The following ITGA10 variants were observed in gnomAD, a reference collection of about 807,000 sequenced individuals.
The protein encoded by ITGA10 is integrin alpha-10.
A neutral mutation model predicts 145.2 loss-of-function variants in ITGA10; 105 were observed. That is an observed-to-expected ratio of 0.72 (90% confidence interval 0.62 to 0.85). ITGA10 has a LOEUF of 0.85. ITGA10 is among the 40% of genes least tolerant of loss of function. ITGA10 has a pLI of 0.00. For synonymous variants in ITGA10, 506 were observed against 557.8 expected (o/e 0.91, Z 1.31); for missense variants, 1,317 against 1,444.5 (o/e 0.91, Z 1.43).
intron 2 of ITGA10, 39 bp downstream of exon 2, chr1:145,907,315 T>G: frequency 1.2e-6 from 2 of 1,614,138 alleles, no homozygotes; most frequent in Non-Finnish European, 1.7e-6. Flanking sequence ...TTAGCACTAC[T>G]GCAGTCCCAA....
At chr1:145,899,685 A>T (rs1451019858) in intron 15 of ITGA10, among the ~76,000 whole-genome samples, 1 of 151,638 alleles carries the variant, frequency 6.6e-6, no homozygotes, top group Non-Finnish European at 1.5e-5. Context: ...ATTTTTTTGT[A>T]TTTTTAGTAG....
rs370729236 is a variant in ITGA10 at position 145,895,934 on chromosome 1, C to T, written c.3033+49G>A. The T allele has an allele frequency of 4.3e-5, 61 of 1,414,630 alleles. No individual in the cohort carries two copies. In the African/African-American group the frequency reaches 6.0e-4, roughly 14 times the overall value. 87.6% of individuals were successfully genotyped at this position (1,414,630 alleles called of 1,614,324 possible). A position where few individuals can be genotyped will look rare whatever the true frequency, so the allele number is the denominator to read the frequency against. On this transcript the variant is annotated intron_variant, in intron 25 of 29. Coordinates refer to ENST00000369304, the MANE Select transcript of ITGA10 (RefSeq NM_003637.5). ...GGTGTGGTGTCCAGCTTCAGTGAGT[C>T]CACCAGCTCAAGGTGGCAGGATTCC...
chr1:145,897,178 G>A (rs1655532567), intron 21 of ITGA10, 69 bp downstream of exon 21: 5 of 1,574,740 alleles, frequency 3.2e-6, no homozygotes, highest in Non-Finnish European at 3.5e-6. Context: ...CTTCCCTGAA[G>A]TCCCAGGACC....
intron 29 of ITGA10, 115 bp from the exon 30 acceptor site, chr1:145,892,978 A>G: frequency 1.0e-6 from 1 of 986,132 alleles, no homozygotes; most frequent in Non-Finnish European, 1.6e-6. Context: ...ATGGAATTCA[A>G]ATTTATTTTA....
chr1:145,899,016 A>G lies in ITGA10; in HGVS notation c.2152T>C (p.Ser718Pro), dbSNP rs1553746605. The G allele has an allele frequency of 3.7e-6, 6 of 1,614,090 alleles. No individual in the cohort carries two copies. Among genetic ancestry groups the G allele is most frequent in the Non-Finnish European group, 5.1e-6 (6 of 1,180,044 alleles). The change falls in exon 17 of 30, where the codon TCT (serine) becomes CCT (proline). Residue 718 changes from serine to proline, a missense_variant. Coordinates refer to ENST00000369304, the MANE Select transcript of ITGA10 (RefSeq NM_003637.5). ...CTCCGAGGGGACAACCTCTGGCCAG[A>G]GCCATCAAATGCTGCACGTGCCCCA... ...TAGARAAFDG[S>P]GQRLSPRRLR...
Position 145,893,704 on chromosome 1 carries a change from C to CCA in ITGA10, c.3229-71_3229-70dup, listed in dbSNP as rs1472935023. Reference sequence around the variant, plus strand: ...TCAGGTGATATAGTTCTTTGGAATCCCAACAGCAAAGTTGAGGCTGAGAGG... The same window carrying CCA: ...TCAGGTGATATAGTTCTTTGGAATCCCACAACAGCAAAGTTGAGGCTGAGAGG... On this transcript the variant is annotated intron_variant, in intron 27 of 29. Transcript: ENST00000369304. 3.7e-5 allele frequency: 46 copies of CCA among 1,255,580 alleles called. 1 individual carries two copies. The South Asian group carries it at 5.2e-4, about 14-fold the overall frequency. 77.8% of individuals were successfully genotyped at this position (1,255,580 alleles called of 1,614,324 possible).
In ITGA10 at chr1:145,895,277, T is replaced by C; in HGVS notation, c.3228+3A>G. 3.1e-6 allele frequency: 5 copies of C among 1,605,996 alleles called. No homozygotes were observed. Among genetic ancestry groups the C allele is most frequent in the Non-Finnish European group, 4.3e-6 (5 of 1,172,954 alleles). On this transcript the variant is annotated splice_donor_region_variant and intron_variant, in intron 27 of 29. Coordinates refer to ENST00000369304, the MANE Select transcript of ITGA10 (RefSeq NM_003637.5). ...GGGGAGTACTAGAAAAGGAAAGGCT[T>C]ACTCTTCGGAAAAATTCATTGTGAA...
Position 145,902,438 on chromosome 1 carries a change from C to G in ITGA10, c.1075+16G>C. ...AACTTCTCCCGCCCTGTCCATTTCT[C>G]CAGAGTAATCCTCACCTTCAAGGCC... On this transcript the variant is annotated intron_variant, in intron 9 of 29. Coordinates refer to ENST00000369304, the MANE Select transcript of ITGA10 (RefSeq NM_003637.5). The G allele has an allele frequency of 6.2e-7, 1 of 1,609,582 alleles. No homozygotes were observed. The highest frequency in any genetic ancestry group is 8.5e-7 in the Non-Finnish European group (1 of 1,177,608).
Position 145,895,359 on chromosome 1 carries a change from C to T in ITGA10, c.3149G>A (p.Cys1050Tyr). The T allele has an allele frequency of 6.2e-7, 1 of 1,613,998 alleles. No homozygotes were observed. Among genetic ancestry groups the T allele is most frequent in the East Asian group, 2.2e-5 (1 of 44,876 alleles). ...CCCCTTTGCCAGCTGCCCAAGGTGG[C>T]ACCTCACCACCTGACACTGAGTATT... ...GSNTQCQVVR[C>Y]HLGQLAKGTE... The change falls in exon 27 of 30, where the codon TGC becomes TAC. Residue 1050 changes from cysteine to tyrosine, a missense_variant. By Grantham distance (194) the Cys-to-Tyr change is radical (BLOSUM62 -2). Coordinates refer to ENST00000369304, the MANE Select transcript of ITGA10 (RefSeq NM_003637.5).
At chr1:145,909,828 C>T in intron 1 of ITGA10, 135 bp downstream of exon 1, 1 of 736,418 alleles carries the variant, frequency 1.4e-6, no homozygotes, top group Non-Finnish European at 2.4e-6. Context: ...GACACAGACA[C>T]ACATACAAGA....
intron 6 of ITGA10, among the ~76,000 whole-genome samples, 170 bp downstream of exon 6, chr1:145,904,514 G>A (rs1402175979): frequency 2.0e-5 from 3 of 151,570 alleles, no homozygotes; most frequent in Non-Finnish European, 2.9e-5. Flanking sequence ...GACTGTAGGC[G>A]CATGCCACCA....
intron 25 of ITGA10, 40 bp downstream of exon 25, chr1:145,895,943 C>T: frequency 6.7e-7 from 1 of 1,490,922 alleles, no homozygotes; most frequent in Non-Finnish European, 9.4e-7. Flanking sequence ...TCCACCAGCT[C>T]AAGGTGGCAG....
chr1:145,902,064 G>A (rs782627302), intron 10 of ITGA10, 43 bp from the exon 11 acceptor site: 14 of 1,593,086 alleles, frequency 8.8e-6, no homozygotes, highest in East Asian at 6.7e-5. Context: ...AGACAGTGGG[G>A]AATAAAGAGA....
At position 145,893,144 on chromosome 1, in the gene ITGA10, A is replaced by T. The variant is rs1418741809; in HGVS notation, c.3438+17T>A. 3.2e-6 allele frequency: 5 copies of T among 1,554,516 alleles called. No homozygotes were observed. The highest frequency in any genetic ancestry group is 4.4e-6 in the Non-Finnish European group (5 of 1,125,844). Reference sequence around the variant, plus strand: ...ATGGGCATCATGCTCCACACTCCCCACTAAAGCAGTGCTTACCTTCCACAG... The same window carrying T: ...ATGGGCATCATGCTCCACACTCCCCTCTAAAGCAGTGCTTACCTTCCACAG... On this transcript the variant is annotated intron_variant, in intron 29 of 29. Coordinates refer to ENST00000369304, the MANE Select transcript of ITGA10 (RefSeq NM_003637.5).
intron 27 of ITGA10, 28 bp downstream of exon 27, chr1:145,895,252 G>A: frequency 1.3e-6 from 2 of 1,483,046 alleles, no homozygotes; most frequent in Non-Finnish European, 1.9e-6. Context: ...GAGCAGAAGT[G>A]GGGAGTACTA....
In ITGA10 at chr1:145,900,126, C is replaced by T. The variant is rs781836164; in HGVS notation, c.1853G>A (p.Arg618Gln). The T allele has an allele frequency of 2.2e-5, 35 of 1,613,902 alleles. No individual in the cohort carries two copies. The East Asian group carries it at 2.7e-4, about 12-fold the overall frequency. The change falls in exon 15 of 30, where the codon CGG (arginine) becomes CAG (glutamine). Residue 618 changes from arginine to glutamine, a missense_variant. Physicochemically the swap from Arg to Gln is conservative, Grantham distance 43 (BLOSUM62 1). Coordinates refer to ENST00000369304, the MANE Select transcript of ITGA10 (RefSeq NM_003637.5). ...CAGATCATCTCCATCCAGATCTAGC[C>T]GACCATCCACACTTCGGCCAAAGTA... Reference protein sequence around the residue: ...LSYFGRSVDGRLDLDGDDLVD... With the variant: ...LSYFGRSVDGQLDLDGDDLVD...
At chr1:145,906,609 C>T (rs1657176210) in intron 4 of ITGA10, 101 bp from the exon 5 acceptor site, 2 of 1,282,972 alleles carry the variant, frequency 1.6e-6, no homozygotes, top group African/African-American at 1.5e-5. Context: ...ACATTACCTA[C>T]CTTTTGCTTT....
chr1:145,902,004 C>T lies in ITGA10; in HGVS notation c.1167G>A (p.Gly389=). ...THRLKDGILF[G]MVGAYDWGGS... ...CTCCCCAGTCATAGGCCCCCACCAT[C>T]CCAAAAAGAATCCCATCCTGTGGGA... The change falls in exon 11 of 30, where the codon GGG becomes GGA. Residue 389 remains glycine, a synonymous_variant. Coordinates refer to ENST00000369304, the MANE Select transcript of ITGA10 (RefSeq NM_003637.5). The T allele has an allele frequency of 6.2e-7, 1 of 1,614,058 alleles. No individual in the cohort carries two copies. Among genetic ancestry groups the T allele is most frequent in the African/African-American group, 1.3e-5 (1 of 74,996 alleles).
chr1:145,896,318 A>G lies in ITGA10; in HGVS notation c.2869T>C (p.Tyr957His), dbSNP rs1655393917. Residue 957 changes from tyrosine (Y) to histidine (H), a missense_variant, in exon 24 of 30, where the codon TAT becomes CAT. Transcript: ENST00000369304. ...CCAGGACCCACTGGGAGGGTCCCAT[A>G]TGGGTGAACCTCATAGCGGTGCAGG... ...STLHRYEVHP[Y>H]GTLPVGPGPE... The G allele has an allele frequency of 1.9e-6, 3 of 1,614,050 alleles. No homozygotes were observed. The highest frequency in any genetic ancestry group is 2.5e-6 in the Non-Finnish European group (3 of 1,179,924).
Sources: gnomAD v4.1 joint callset for allele counts (sites outside exome capture counted in the v4.1 genomes callset) on GRCh38, gnomAD v4.1.1 for gene constraint, MANE v1.5 for transcripts, NCBI Gene and HGNC (gene_info 2026-07-23, HGNC 2026-07-21) for gene names.